Variants in SRPX observed in about 807,000 individuals in gnomAD.
SRPX encodes sushi repeat-containing protein SRPX.
SRPX carries 24 observed loss-of-function variants against 38.1 expected under a neutral mutation model. The observed-to-expected ratio is 0.63, with a 90% CI of 0.46 to 0.89. The LOEUF is 0.89. SRPX is among the 40% of genes least tolerant of loss of function. The pLI is 0.00. For synonymous variants in SRPX, 184 were observed against 153.8 expected (o/e 1.20, Z -1.45); for missense variants, 416 against 377.8 (o/e 1.10, Z -0.84).
At chrX:38,186,645 G>A (rs1237398275) in intron 1 of SRPX, among the ~76,000 whole-genome samples, 1 of 111,378 alleles carries the variant, frequency 9.0e-6, no homozygotes, top group Non-Finnish European at 1.9e-5. Context: ...TACTCAGGCT[G>A]GTGTGCCCAT....
intron 7 of SRPX, among the ~76,000 whole-genome samples, chrX:38,157,611 T>A (rs1231859994): frequency 1.8e-5 from 2 of 112,256 alleles, no homozygotes; most frequent in Non-Finnish European, 3.8e-5. Context: ...CATTTCAAAA[T>A]CCTTAACTTA....
At position 38,160,156 on chromosome X, in the gene SRPX, G is replaced by A. The variant is rs1157599936; in HGVS notation, c.816C>T (p.Tyr272=). 1 of 1,212,117 alleles carries A rather than the reference G, an allele frequency of 8.3e-7. No individual in the cohort carries two copies. The highest frequency in any genetic ancestry group is 3.0e-5 in the East Asian group (1 of 33,859). Residue 272 remains tyrosine, a synonymous_variant, in exon 7 of 10, where the codon TAC becomes TAT. Transcript: ENST00000378533. The part of the protein sequence containing the change: ...CGKLNAPENG[Y]MKCSSDGDNY... Reference sequence around the variant, plus strand: ...TATCACCGTCGCTGGAGCACTTCATGTAACCATTCTCTGGGGCATTGAGTT... The same window carrying A: ...TATCACCGTCGCTGGAGCACTTCATATAACCATTCTCTGGGGCATTGAGTT...
At chrX:38,197,809 C>T (rs2147116379) in intron 1 of SRPX, among the ~76,000 whole-genome samples, 1 of 112,299 alleles carries the variant, frequency 8.9e-6, no homozygotes, top group Admixed American at 9.4e-5. Context: ...TAGAGAGAAA[C>T]TTACTTTGTG....
chrX:38,202,696 T>C (rs937744907), intron 1 of SRPX, among the ~76,000 whole-genome samples: 2 of 112,085 alleles, frequency 1.8e-5, no homozygotes, highest in Non-Finnish European at 3.8e-5. Context: ...TCACAGCAGA[T>C]ACTGTGTATA....
intron 3 of SRPX, 79 bp downstream of exon 3, chrX:38,174,081 T>C: frequency 1.3e-5 from 11 of 844,187 alleles, no homozygotes; most frequent in Non-Finnish European, 1.7e-5. Flanking sequence ...CAATATTCAG[T>C]GAAAATCCTC....
chrX:38,218,025 C>T (rs1381424449), intron 1 of SRPX, among the ~76,000 whole-genome samples: 1 of 112,247 alleles, frequency 8.9e-6, no homozygotes, highest in African/African-American at 3.2e-5. Context: ...CCCGGTGACA[C>T]CTTAATTATA....
chrX:38,154,417 A>G (rs1341510446), intron 9 of SRPX, 45 bp downstream of exon 9: 1 of 1,172,435 alleles, frequency 8.5e-7, no homozygotes, highest in Non-Finnish European at 1.1e-6. Flanking sequence ...TCAGTTAAAA[A>G]TGCATTCACA....
intron 5 of SRPX, among the ~76,000 whole-genome samples, chrX:38,164,075 AC>A (rs1193112120): frequency 9.1e-6 from 1 of 109,904 alleles, no homozygotes; most frequent in African/African-American, 3.3e-5. Flanking sequence ...CCCTTCTTTT[AC>A]ATTTTTTTTA....
intron 1 of SRPX, among the ~76,000 whole-genome samples, chrX:38,213,966 C>A (rs1019154591): frequency 1.8e-5 from 2 of 111,937 alleles, no homozygotes; most frequent in Non-Finnish European, 3.8e-5. Context: ...CCAGGCCCAC[C>A]TCCAGCACTG....
At chrX:38,207,675 T>C (rs1201931900) in intron 1 of SRPX, among the ~76,000 whole-genome samples, 2 of 112,278 alleles carry the variant, frequency 1.8e-5, no homozygotes, top group Admixed American at 1.9e-4. Context: ...CAGAGAGCTA[T>C]GAGCATGGGA....
At chrX:38,206,954 G>A (rs771028011) in intron 1 of SRPX, among the ~76,000 whole-genome samples, 3 of 112,033 alleles carry the variant, frequency 2.7e-5, no homozygotes, top group Non-Finnish European at 3.8e-5. Flanking sequence ...AGCTCTCAGA[G>A]ACAGCCTTGC....
intron 1 of SRPX, among the ~76,000 whole-genome samples, chrX:38,200,956 A>T (rs2147119490): frequency 8.9e-6 from 1 of 111,997 alleles, no homozygotes; most frequent in African/African-American, 3.2e-5. Context: ...AAAATGAGCT[A>T]ATGTCAATAA....
chrX:38,167,169 G>T (rs1048266870), intron 4 of SRPX, among the ~76,000 whole-genome samples: 1 of 111,675 alleles, frequency 9.0e-6, no homozygotes, highest in African/African-American at 3.3e-5. Context: ...TTTATAGACT[G>T]GGAAGAAGCA....
rs745712789 is a variant in SRPX, at chrX:38,149,737, C to T, written c.1369G>A (p.Glu457Lys). ...CAGGTGTTACAGGTCTGGCTCATTT[C>T]GGCTTGTAGGACCATCTCTTCTTTT... ...LRKEEMVLQAEMSQTCNT is the reference protein window; with the variant it reads ...LRKEEMVLQAKMSQTCNT The change falls in exon 10 of 10, where the codon GAA (glutamate) becomes AAA (lysine). Residue 457 changes from glutamate (E) to lysine (K), a missense_variant. By Grantham distance (56) the Glu-to-Lys change is moderately conservative. Coordinates refer to ENST00000378533, the MANE Select transcript of SRPX (RefSeq NM_006307.5). 21 of 1,208,803 alleles carry T rather than the reference C, an allele frequency of 1.7e-5. No individual in the cohort carries two copies. Among genetic ancestry groups the T allele is most frequent in the East Asian group, 8.9e-5 (3 of 33,739 alleles).
At chrX:38,153,143 G>A (rs1938048559) in intron 9 of SRPX, among the ~76,000 whole-genome samples, 1 of 111,028 alleles carries the variant, frequency 9.0e-6, no homozygotes, top group Admixed American at 9.6e-5. Flanking sequence ...AAGTCGGTAT[G>A]GGGAGGTGCT....
chrX:38,196,024 T>C (rs755257531), intron 1 of SRPX, among the ~76,000 whole-genome samples: 3 of 112,136 alleles, frequency 2.7e-5, no homozygotes, highest in Non-Finnish European at 3.8e-5. Context: ...GGATAGACAA[T>C]TTTCAAATCA....
At chrX:38,167,262 C>A (rs1416279283) in intron 4 of SRPX, among the ~76,000 whole-genome samples, 2 of 111,612 alleles carry the variant, frequency 1.8e-5, no homozygotes, top group Non-Finnish European at 1.9e-5. Context: ...TAAACCAAAC[C>A]CTTTTGTGTA....
Position 38,154,517 on chromosome X carries a change from G to A in SRPX, c.1156C>T (p.Leu386Phe). 1 of 1,207,550 alleles carries A rather than the reference G, an allele frequency of 8.3e-7. No individual in the cohort carries two copies. ...ATCTTTGCTCCTATCCTGCCAATGA[G>A]AGTCGGGAACACACCCACCAGCTCC... ...VVELVGVFPT[L>F]IGRIGAKIMP... The change falls in exon 9 of 10, where the codon CTC (leucine) becomes TTC (phenylalanine). Residue 386 changes from leucine (L) to phenylalanine (F), a missense_variant. By Grantham distance (22) the Leu-to-Phe change is conservative (BLOSUM62 0). Transcript: ENST00000378533.
rs1418389154 is a variant in SRPX, at chrX:38,174,487, G to A, written c.158-136C>T. ...CAATTAGTGCCCCATGTTTTCTTAGGTGTCTCCGGGTAGGGAGGTTATGAT... is the reference window on the plus strand; with the variant it reads ...CAATTAGTGCCCCATGTTTTCTTAGATGTCTCCGGGTAGGGAGGTTATGAT... On this transcript the variant is annotated intron_variant, in intron 2 of 9. Coordinates refer to ENST00000378533, the MANE Select transcript of SRPX (RefSeq NM_006307.5). 3 of 391,263 alleles carry A rather than the reference G, an allele frequency of 7.7e-6. No individual in the cohort carries two copies. In the East Asian group the frequency reaches 1.4e-4, roughly 18 times the overall value. 32.2% of individuals were successfully genotyped at this position (391,263 alleles called of 1,213,427 possible). A position where few individuals can be genotyped will look rare whatever the true frequency, so the allele number is the denominator to read the frequency against.
Sources: allele counts gnomAD v4.1 joint callset (sites outside exome capture counted in the v4.1 genomes callset), GRCh38; gene constraint gnomAD v4.1.1; transcripts MANE v1.5; gene names NCBI Gene and HGNC (gene_info 2026-07-23, HGNC 2026-07-21).